MCOLN2: variants seen among roughly 807,000 people sequenced by gnomAD.
The protein encoded by MCOLN2 is mucolipin TRP cation channel 2, also known as mucolipin-2.
Under a neutral mutation model 67.5 loss-of-function variants are expected in MCOLN2, and 57 were observed. That is an observed-to-expected ratio of 0.84 (90% CI 0.68 to 1.05). The LOEUF (loss-of-function observed/expected upper bound fraction) is 1.05. MCOLN2 is among the 50% of genes least tolerant of loss of function. The pLI is 0.00. For synonymous variants in MCOLN2, 246 were observed against 233.3 expected, an observed-to-expected ratio of 1.05 and a Z score of -0.50; for missense variants, 620 against 678.8, an observed-to-expected ratio of 0.91 and a Z score of 0.96.
chr1:84,949,232 G>A (rs1316624510), intron 6 of MCOLN2, among the ~76,000 whole-genome samples: 1 of 152,188 alleles, frequency 6.6e-6, no homozygotes, highest in Non-Finnish European at 1.5e-5. Context: ...GAGAGATATG[G>A]ACATCCAGAT....
At chr1:84,984,739 T>C (rs1650421699) in intron 1 of MCOLN2, among the ~76,000 whole-genome samples, 1 of 152,226 alleles carries the variant, frequency 6.6e-6, no homozygotes. Context: ...TTCTTGCCTG[T>C]AATCCTAGCA....
chr1:84,976,678 A>G (rs1650008502), intron 1 of MCOLN2, among the ~76,000 whole-genome samples: 1 of 152,174 alleles, frequency 6.6e-6, no homozygotes, highest in African/African-American at 2.4e-5. Flanking sequence ...AGGCAGGAGA[A>G]TTGCTTGAAC....
At chr1:84,929,809 AT>A in intron 12 of MCOLN2, 130 bp from the exon 13 acceptor site, 1 of 759,054 alleles carries the variant, frequency 1.3e-6, no homozygotes, top group Non-Finnish European at 2.0e-6. Flanking sequence ...AAGAACTGAT[AT>A]TTACAATGAT....
intron 1 of MCOLN2, among the ~76,000 whole-genome samples, chr1:84,980,132 T>C (rs182083664): frequency 1.2e-4 from 18 of 152,162 alleles, no homozygotes; most frequent in Admixed American, 1.2e-3. Flanking sequence ...AAGATCTCTA[T>C]AATGAAAACT....
Position 84,997,046 on chromosome 1 carries a change from C to G in MCOLN2, c.-174G>C, listed in dbSNP as rs574818216. 155 of 612,552 alleles carry G rather than the reference C, an allele frequency of 2.5e-4. 1 individual carries two copies. In the African/African-American group the frequency reaches 2.5e-3, roughly 10 times the overall value. 37.9% of individuals were successfully genotyped at this position (612,552 alleles called of 1,614,324 possible). A position where few individuals can be genotyped will look rare whatever the true frequency, so the allele number is the denominator to read the frequency against. ...CGCGTGGTGCGCGCAGACCCCGGCC[C>G]GAGAGCAGGCGCCGCAGTCGTGGAG... On this transcript the variant is annotated 5_prime_UTR_variant, in exon 1 of 14. Transcript: ENST00000370608.
intron 6 of MCOLN2, 126 bp from the exon 7 acceptor site, chr1:84,947,258 C>A (rs551699326): frequency 1.6e-6 from 1 of 610,558 alleles, no homozygotes. Context: ...CACAGGCCAG[C>A]AAAATGGCTG....
intron 1 of MCOLN2, among the ~76,000 whole-genome samples, chr1:84,994,513 G>A (rs978150359): frequency 3.3e-5 from 5 of 152,108 alleles, no homozygotes; most frequent in Non-Finnish European, 4.4e-5. Context: ...TTTCTGCTTC[G>A]CCTTGCACTT....
intron 11 of MCOLN2, among the ~76,000 whole-genome samples, chr1:84,934,125 T>A (rs550025060): frequency 6.6e-6 from 1 of 152,326 alleles, no homozygotes; most frequent in Non-Finnish European, 1.5e-5. Context: ...GGAAAGCAGG[T>A]ACTACTCTCT....
In MCOLN2 at chr1:84,926,630, C is replaced by A; in HGVS notation, c.*55G>T. Reference sequence around the variant, plus strand: ...TGCTTGTCCAAGTCATTTGGGGTTCCTCTGCTCAGCCGCTGGATAAGGATG... The same window carrying A: ...TGCTTGTCCAAGTCATTTGGGGTTCATCTGCTCAGCCGCTGGATAAGGATG... On this transcript the variant is annotated 3_prime_UTR_variant, in exon 14 of 14. Coordinates refer to ENST00000370608, the MANE Select transcript of MCOLN2 (RefSeq NM_153259.4). The A allele has an allele frequency of 7.1e-7, 1 of 1,401,750 alleles. No homozygotes were observed. Among genetic ancestry groups the A allele is most frequent in the East Asian group, 2.5e-5 (1 of 40,734 alleles). 86.8% of individuals were successfully genotyped at this position (1,401,750 alleles called of 1,614,324 possible). A position where few individuals can be genotyped will look rare whatever the true frequency, so the allele number is the denominator to read the frequency against.
chr1:84,978,798 A>G (rs562652474), intron 1 of MCOLN2, among the ~76,000 whole-genome samples: 1 of 152,018 alleles, frequency 6.6e-6, no homozygotes, highest in African/African-American at 2.4e-5. Context: ...ATATGTGTAT[A>G]AATATATATA....
chr1:84,978,819 C>T (rs1650117298), intron 1 of MCOLN2, among the ~76,000 whole-genome samples: 2 of 152,050 alleles, frequency 1.3e-5, no homozygotes, highest in Admixed American at 1.3e-4. Context: ...TACACACACA[C>T]ACATATACAT....
chr1:84,955,189 T>C (rs145495331), intron 4 of MCOLN2, among the ~76,000 whole-genome samples: 2,124 of 152,260 alleles, frequency 0.014, 53 homozygotes, highest in African/African-American at 0.049. Context: ...TGCTTCCCCT[T>C]CCACCATGAT....
chr1:84,938,200 T>A (rs1197385719), intron 9 of MCOLN2, 118 bp from the exon 10 acceptor site: 3 of 507,132 alleles, frequency 5.9e-6, no homozygotes, highest in African/African-American at 5.9e-5. Flanking sequence ...CTATAGGTGA[T>A]AGAGTTTTTT....
chr1:84,953,587 C>G (rs1648623986), intron 4 of MCOLN2, among the ~76,000 whole-genome samples: 1 of 150,604 alleles, frequency 6.6e-6, no homozygotes, highest in Admixed American at 6.6e-5. Flanking sequence ...TTGGGGAAAT[C>G]TGGATGAAGG....
At position 84,996,891 on chromosome 1, in the gene MCOLN2, T is replaced by A; in HGVS notation, c.-19A>T. On this transcript the variant is annotated 5_prime_UTR_variant, in exon 1 of 14. Coordinates refer to ENST00000370608, the MANE Select transcript of MCOLN2 (RefSeq NM_153259.4). ...GGGCCATGCCTCCTCCTTCAAAACT[T>A]TCCAGGGCTCTCGGGATTCGGAACA... The A allele has an allele frequency of 6.2e-7, 1 of 1,611,426 alleles. No individual in the cohort carries two copies. The highest frequency in any genetic ancestry group is 2.2e-5 in the East Asian group (1 of 44,844).
chr1:84,969,564 C>T (rs1649558329), intron 1 of MCOLN2, among the ~76,000 whole-genome samples: 1 of 140,030 alleles, frequency 7.1e-6, no homozygotes, highest in Non-Finnish European at 1.5e-5. Context: ...GAGTAAGACT[C>T]TGCCTCAAAA....
intron 1 of MCOLN2, among the ~76,000 whole-genome samples, chr1:84,979,371 TA>T (rs1453543273): frequency 6.6e-6 from 1 of 151,734 alleles, no homozygotes; most frequent in East Asian, 1.9e-4. Context: ...CAAAGACACA[TA>T]AAAAAAATTA....
intron 1 of MCOLN2, among the ~76,000 whole-genome samples, chr1:84,989,643 A>G (rs1455323800): frequency 1.3e-5 from 2 of 152,142 alleles, no homozygotes; most frequent in Non-Finnish European, 2.9e-5. Flanking sequence ...TGCCTTTTTA[A>G]GTACAAAAAA....
chr1:84,941,876 G>A (rs1647807144), intron 7 of MCOLN2, among the ~76,000 whole-genome samples: 1 of 152,158 alleles, frequency 6.6e-6, no homozygotes, highest in African/African-American at 2.4e-5. Context: ...TTGGTTTGGA[G>A]CACACAGCAG....
Sources: gnomAD v4.1 joint callset for allele counts (sites outside exome capture counted in the v4.1 genomes callset) on GRCh38, gnomAD v4.1.1 for gene constraint, MANE v1.5 for transcripts, NCBI Gene and HGNC (gene_info 2026-07-23, HGNC 2026-07-21) for gene names.